Variants in NRIP1 observed in about 807,000 individuals in gnomAD.
NRIP1 encodes the protein nuclear receptor interacting protein 1, also known as nuclear receptor-interacting protein 1.
A neutral mutation model predicts 75.0 loss-of-function variants in NRIP1; 28 were observed. The ratio of observed to expected loss-of-function variants is 0.37; its 90% confidence interval spans 0.28 to 0.51. NRIP1 has a LOEUF of 0.51. Among genes scored for constraint, NRIP1 ranks in the 20% least tolerant of loss-of-function variants. The pLI is 0.92. For missense variants in NRIP1, 1,435 were observed against 1,343.7 expected, an observed-to-expected ratio of 1.07 and a Z score of -1.06; for synonymous variants, 526 against 487.6, an observed-to-expected ratio of 1.08 and a Z score of -1.04.
At chr21:15,063,512 A>G (rs929675008) in intron 1 of NRIP1, among the ~76,000 whole-genome samples, 5 of 152,266 alleles carry the variant, frequency 3.3e-5, no homozygotes, top group African/African-American at 1.2e-4. Context: ...AATGCAATTC[A>G]TAACTTTAAA....
chr21:15,034,413 A>G (rs2088784485), intron 2 of NRIP1, among the ~76,000 whole-genome samples: 1 of 152,214 alleles, frequency 6.6e-6, no homozygotes, highest in East Asian at 1.9e-4. Context: ...AATCACTTTT[A>G]AAACCTATCA....
At chr21:15,056,371 C>T (rs1428908172) in intron 1 of NRIP1, among the ~76,000 whole-genome samples, 1 of 151,314 alleles carries the variant, frequency 6.6e-6, no homozygotes, top group Admixed American at 6.6e-5. Flanking sequence ...AGATTTTTAG[C>T]AATACAGTTA....
intron 3 of NRIP1, among the ~76,000 whole-genome samples, chr21:14,976,754 T>C (rs551054605): frequency 1.3e-5 from 2 of 152,320 alleles, no homozygotes; most frequent in South Asian, 4.1e-4. Flanking sequence ...TGTAGGACTA[T>C]TTTTGGTTGA....
chr21:15,012,777 AT>A (rs1267007992), intron 3 of NRIP1, among the ~76,000 whole-genome samples: 1 of 151,894 alleles, frequency 6.6e-6, no homozygotes, highest in Admixed American at 6.6e-5. Flanking sequence ...TGGAAGAAAA[AT>A]CTAAATTTGA....
At position 14,964,680 on chromosome 21, in the gene NRIP1, T is replaced by C. The variant is rs758136420; in HGVS notation, c.*36A>G. 10 of 1,450,760 alleles carry C rather than the reference T, an allele frequency of 6.9e-6. No individual in the cohort carries two copies. Among genetic ancestry groups the C allele is most frequent in the Admixed American group, 2.4e-5 (1 of 42,416 alleles). 89.9% of individuals were successfully genotyped at this position (1,450,760 alleles called of 1,614,324 possible). ...CAGATCTCAAGTTCATACTCATTAG[T>C]TTTAAAAAGATCCAAAACTGGATGG... On this transcript the variant is annotated 3_prime_UTR_variant, in exon 4 of 4. Coordinates refer to ENST00000318948, the MANE Select transcript of NRIP1 (RefSeq NM_003489.4).
intron 3 of NRIP1, among the ~76,000 whole-genome samples, chr21:14,994,774 G>A (rs887897359): frequency 1.3e-5 from 2 of 152,128 alleles, no homozygotes; most frequent in Non-Finnish European, 2.9e-5. Context: ...CTTAGGTTCA[G>A]GCAGTAACTT....
chr21:15,026,069 C>T (rs1022556912), intron 2 of NRIP1, among the ~76,000 whole-genome samples: 2 of 152,046 alleles, frequency 1.3e-5, no homozygotes, highest in African/African-American at 4.8e-5. Context: ...TTGTTTCTTT[C>T]TGGGAAACAC....
At chr21:15,004,460 A>T (rs193225018) in intron 3 of NRIP1, among the ~76,000 whole-genome samples, 22 of 152,348 alleles carry the variant, frequency 1.4e-4, no homozygotes, top group Non-Finnish European at 1.5e-5. Flanking sequence ...TTCTGCTCCA[A>T]TCCTGCAGAG....
intron 1 of NRIP1, among the ~76,000 whole-genome samples, chr21:15,058,339 T>C (rs2089349198): frequency 6.6e-6 from 1 of 152,212 alleles, no homozygotes; most frequent in African/African-American, 2.4e-5. Context: ...AGAATATTTA[T>C]TTCCCATTTG....
chr21:15,015,724 C>T (rs896019208), intron 2 of NRIP1, among the ~76,000 whole-genome samples: 1 of 151,958 alleles, frequency 6.6e-6, no homozygotes, highest in African/African-American at 2.4e-5. Context: ...CAGGAAACAA[C>T]ATTATTTCAG....
At chr21:14,992,094 GT>G (rs1213234867) in intron 3 of NRIP1, 1 of 152,458 alleles carries the variant, frequency 6.6e-6, no homozygotes, top group African/African-American at 2.4e-5. Flanking sequence ...CCTGAGTGTG[GT>G]GGTGTGACCA....
chr21:14,979,761 G>T (rs1403991900), intron 3 of NRIP1, among the ~76,000 whole-genome samples: 1 of 152,052 alleles, frequency 6.6e-6, no homozygotes, highest in Non-Finnish European at 1.5e-5. Context: ...TGATCCACCT[G>T]CCTTGGCCTC....
intron 1 of NRIP1, among the ~76,000 whole-genome samples, chr21:15,062,665 T>C (rs1978403547): frequency 1.3e-5 from 2 of 152,232 alleles, no homozygotes; most frequent in African/African-American, 4.8e-5. Context: ...TGAAAGCTAG[T>C]ACTTCTTAAT....
At chr21:15,038,520 AATTTT>A (rs763395439) in intron 2 of NRIP1, among the ~76,000 whole-genome samples, 1 of 152,176 alleles carries the variant, frequency 6.6e-6, no homozygotes, top group Non-Finnish European at 1.5e-5. Context: ...TTACCAACAT[AATTTT>A]ATTATCCAAA....
rs1006850783 is a variant in NRIP1, at chr21:14,962,835, C to T, written c.*1881G>A. 1 of 152,372 alleles carries T rather than the reference C, an allele frequency of 6.6e-6. No homozygotes were observed. Among genetic ancestry groups the T allele is most frequent in the Non-Finnish European group, 1.5e-5 (1 of 67,942 alleles). 9.4% of individuals were successfully genotyped at this position (152,372 alleles called of 1,614,324 possible). A position where few individuals can be genotyped will look rare whatever the true frequency, so the allele number is the denominator to read the frequency against. ...TTTTAGATCATATTAGGAAATCACA[C>T]CTATTTTTAATATAAAAATCTTAGA... On this transcript the variant is annotated 3_prime_UTR_variant, in exon 4 of 4. Coordinates refer to ENST00000318948, the MANE Select transcript of NRIP1 (RefSeq NM_003489.4).
intron 3 of NRIP1, among the ~76,000 whole-genome samples, chr21:14,994,867 C>CT (rs2087677872): frequency 6.6e-6 from 1 of 152,178 alleles, no homozygotes. Flanking sequence ...CTGCTATCCT[C>CT]TAAGTACTCA....
At chr21:15,051,817 T>C (rs1280191755) in intron 1 of NRIP1, 1 of 152,240 alleles carries the variant, frequency 6.6e-6, no homozygotes, top group Non-Finnish European at 1.5e-5. Flanking sequence ...GTCAAACTGC[T>C]AATCACTGCT....
chr21:15,031,440 C>G (rs1379571597), intron 2 of NRIP1, among the ~76,000 whole-genome samples: 3 of 117,840 alleles, frequency 2.5e-5, no homozygotes, highest in African/African-American at 7.1e-5. Context: ...CTGGAAGGCG[C>G]TCGGAGGATC....
rs1306802975 is a variant in NRIP1, at chr21:14,963,484, C to T, written c.*1232G>A. 1 of 152,506 alleles carries T rather than the reference C, an allele frequency of 6.6e-6. No homozygotes were observed. Among genetic ancestry groups the T allele is most frequent in the Non-Finnish European group, 1.5e-5 (1 of 67,994 alleles). The allele number at this position is 152,506 out of a possible 1,614,324, so 9.4% of individuals were successfully genotyped here. On this transcript the variant is annotated 3_prime_UTR_variant, in exon 4 of 4. Coordinates refer to ENST00000318948, the MANE Select transcript of NRIP1 (RefSeq NM_003489.4). ...GTGTTCTGAACCCGATTTCCAAAGA[C>T]ATAACGGTAATATATGAACTACAAT...
Sources: allele counts gnomAD v4.1 joint callset (sites outside exome capture counted in the v4.1 genomes callset), GRCh38; gene constraint gnomAD v4.1.1; transcripts MANE v1.5; gene names NCBI Gene and HGNC (gene_info 2026-07-23, HGNC 2026-07-21).